Variants in CPQ observed in about 807,000 individuals in gnomAD.
CPQ encodes carboxypeptidase Q.
CPQ carries 37 observed loss-of-function variants against 45.7 expected under a neutral mutation model. That is an observed-to-expected ratio of 0.81 (90% CI 0.62 to 1.07). CPQ has a LOEUF of 1.07. Among genes scored for constraint, CPQ ranks in the 50% least tolerant of loss-of-function variants. The pLI is 0.00. For missense variants in CPQ, 537 were observed against 572.9 expected, an observed-to-expected ratio of 0.94 and a Z score of 0.64; for synonymous variants, 186 against 205.8, an observed-to-expected ratio of 0.90 and a Z score of 0.82.
At chr8:97,009,005 G>A (rs1260123367) in intron 5 of CPQ, among the ~76,000 whole-genome samples, 2 of 152,200 alleles carry the variant, frequency 1.3e-5, no homozygotes, top group Non-Finnish European at 2.9e-5. Context: ...TGCTGACCTG[G>A]TTGGCTGAAG....
In CPQ at chr8:96,750,684, G is replaced by A. The variant is rs536842411; in HGVS notation, c.-34-34180G>A. ...AGTGCAGGATGTACAGATTTGTTACGTAGGTAAACATGTGCCATGGTGGTT... is the reference window on the plus strand; with the variant it reads ...AGTGCAGGATGTACAGATTTGTTACATAGGTAAACATGTGCCATGGTGGTT... On this transcript the variant is annotated intron_variant, in intron 1 of 7. Transcript: ENST00000220763. Among the ~76,000 whole-genome samples the A allele has an allele frequency of 3.2e-4, 48 of 149,178 alleles. No individual in the cohort carries two copies. The South Asian group carries it at 7.8e-3, about 24-fold the overall frequency.
intron 3 of CPQ, among the ~76,000 whole-genome samples, chr8:96,848,945 A>T (rs1238215282): frequency 6.6e-6 from 1 of 152,102 alleles, no homozygotes; most frequent in African/African-American, 2.4e-5. Context: ...TTATTGAGTG[A>T]TCTGTGAGAC....
chr8:96,744,628 C>T (rs565154774), intron 1 of CPQ, among the ~76,000 whole-genome samples: 3 of 151,984 alleles, frequency 2.0e-5, no homozygotes, highest in Non-Finnish European at 4.4e-5. Context: ...AAAACTGTAC[C>T]AGTTTTTAAA....
At chr8:96,796,899 G>A (rs1256992734) in intron 2 of CPQ, among the ~76,000 whole-genome samples, 2 of 152,170 alleles carry the variant, frequency 1.3e-5, no homozygotes, top group African/African-American at 4.8e-5. Flanking sequence ...TTAATGTTGA[G>A]CTGTGGAGAT....
intron 5 of CPQ, among the ~76,000 whole-genome samples, chr8:97,022,965 A>ATATATATATACTGTATATAG (rs1563556976): frequency 1.9e-5 from 1 of 53,558 alleles, no homozygotes; most frequent in East Asian, 4.0e-4. Context: ...TTCCAAAAAC[A>ATATATATATACTGTATATAG]TATATATATA....
chr8:96,905,760 C>CAAAAAAAAAAA (rs747470074), intron 4 of CPQ, among the ~76,000 whole-genome samples: 2 of 64,854 alleles, frequency 3.1e-5, no homozygotes, highest in African/African-American at 5.5e-5. Context: ...CTGTCTTAAC[C>CAAAAAAAAAAA]AAAAAAAAAA....
At chr8:96,822,547 G>A (rs372466652) in intron 2 of CPQ, among the ~76,000 whole-genome samples, 5 of 152,058 alleles carry the variant, frequency 3.3e-5, no homozygotes, top group African/African-American at 1.2e-4. Flanking sequence ...CTTCAACAGT[G>A]TACAAGGATT....
chr8:96,763,118 A>G (rs1016173404), intron 1 of CPQ, among the ~76,000 whole-genome samples: 2 of 152,034 alleles, frequency 1.3e-5, no homozygotes, highest in African/African-American at 4.8e-5. Flanking sequence ...TCCTCTTCTT[A>G]TAAAGACATC....
intron 1 of CPQ, among the ~76,000 whole-genome samples, chr8:96,712,390 C>A (rs2130754681): frequency 6.6e-6 from 1 of 152,282 alleles, no homozygotes; most frequent in Middle Eastern, 3.4e-3. Flanking sequence ...GGCTATGACA[C>A]CACATTTCCC....
intron 4 of CPQ, among the ~76,000 whole-genome samples, chr8:96,964,631 C>T (rs1813524662): frequency 6.6e-6 from 1 of 151,988 alleles, no homozygotes; most frequent in Admixed American, 6.6e-5. Flanking sequence ...AAAACACTCT[C>T]ACATATTAAA....
intron 7 of CPQ, among the ~76,000 whole-genome samples, chr8:97,080,822 A>C (rs1810934156): frequency 6.6e-6 from 1 of 152,174 alleles, no homozygotes; most frequent in South Asian, 2.1e-4. Context: ...GAAATCTATT[A>C]GTTATGCATC....
At chr8:96,764,541 A>G (rs1810443797) in intron 1 of CPQ, among the ~76,000 whole-genome samples, 1 of 152,220 alleles carries the variant, frequency 6.6e-6, no homozygotes, top group Admixed American at 6.5e-5. Flanking sequence ...TAAATTATAT[A>G]TGTTAAATAT....
At chr8:96,881,310 G>A (rs763692621) in intron 4 of CPQ, among the ~76,000 whole-genome samples, 9 of 152,144 alleles carry the variant, frequency 5.9e-5, no homozygotes, top group African/African-American at 9.7e-5. Flanking sequence ...ATTCAATCAT[G>A]GCAGAAGGCA....
intron 7 of CPQ, among the ~76,000 whole-genome samples, chr8:97,134,302 CATG>C (rs555435398): frequency 4.3e-4 from 65 of 152,274 alleles, no homozygotes; most frequent in African/African-American, 1.5e-3. Flanking sequence ...ATAATAAAAC[CATG>C]ATAATATTGT....
chr8:97,142,949 G>A (rs1812192121), intron 7 of CPQ, 71 bp from the exon 8 acceptor site: 16 of 1,464,138 alleles, frequency 1.1e-5, no homozygotes, highest in Admixed American at 1.8e-5. Context: ...CAAAAGTGAA[G>A]GGGGAGAGGT....
At chr8:96,722,161 G>T (rs568880320) in intron 1 of CPQ, among the ~76,000 whole-genome samples, 1 of 152,164 alleles carries the variant, frequency 6.6e-6, no homozygotes, top group South Asian at 2.1e-4. Flanking sequence ...TTCACAAGTA[G>T]GTATTCCATT....
intron 1 of CPQ, among the ~76,000 whole-genome samples, chr8:96,678,339 G>T (rs184058186): frequency 3.6e-4 from 54 of 152,004 alleles, no homozygotes; most frequent in African/African-American, 1.3e-3. Flanking sequence ...TGTCATCTAT[G>T]ATTTCTTTCA....
chr8:97,128,049 A>G (rs568862035), intron 7 of CPQ, among the ~76,000 whole-genome samples: 34 of 152,246 alleles, frequency 2.2e-4, no homozygotes, highest in Non-Finnish European at 3.8e-4. Context: ...AAAACTTGTC[A>G]AATATACACT....
chr8:96,690,308 T>C (rs1438935774), intron 1 of CPQ, among the ~76,000 whole-genome samples: 1 of 152,182 alleles, frequency 6.6e-6, no homozygotes, highest in Non-Finnish European at 1.5e-5. Context: ...ATCAGCTACC[T>C]GTAAAAGGTT....
Sources: allele counts gnomAD v4.1 joint callset (sites outside exome capture counted in the v4.1 genomes callset), GRCh38; gene constraint gnomAD v4.1.1; transcripts MANE v1.5; gene names NCBI Gene and HGNC (gene_info 2026-07-23, HGNC 2026-07-21).